The following ADGRG4 variants were observed in gnomAD, a reference collection of about 807,000 sequenced individuals.
ADGRG4 encodes the protein G protein-coupled receptor 112.
ADGRG4 carries 122 observed loss-of-function variants against 126.2 expected under a neutral mutation model. The observed-to-expected ratio is 0.97, with a 90% CI of 0.83 to 1.12. The LOEUF (loss-of-function observed/expected upper bound fraction) is 1.12. ADGRG4 is among the 50% of genes most tolerant of loss of function. The pLI is 0.00. For synonymous variants in ADGRG4, 943 were observed against 838.7 expected, an observed-to-expected ratio of 1.12 and a Z score of -2.15; for missense variants, 2,481 against 2,251.8, an observed-to-expected ratio of 1.10 and a Z score of -2.06.
intron 8 of ADGRG4, among the ~76,000 whole-genome samples, chrX:136,354,126 A>G (rs907412428): frequency 1.8e-5 from 2 of 112,411 alleles, no homozygotes; most frequent in Admixed American, 9.4e-5. Flanking sequence ...ATATCCAAGT[A>G]TTAATTATTA....
rs770343704 is a variant in ADGRG4, at chrX:136,331,791, G to A, written c.685+8399G>A. On this transcript the variant is annotated intron_variant, in intron 5 of 25. Coordinates refer to ENST00000394143, the MANE Select transcript of ADGRG4 (RefSeq NM_153834.4). ...GGTTGTTTGTTCATTTTATTGTTGA[G>A]TTTTGAAAGTAAAAAAATATATTCT... 8.3e-5 allele frequency among the ~76,000 whole-genome samples: 9 copies of A among 108,051 alleles called. No individual in the cohort carries two copies. The East Asian group carries it at 2.3e-3, about 28-fold the overall frequency. 93.8% of individuals were successfully genotyped at this position (108,051 alleles called of 115,157 possible).
In ADGRG4 at chrX:136,414,314, A is replaced by G. The variant is rs1460103964; in HGVS notation, c.9192A>G (p.Ile3064Met). The part of the protein sequence containing the change: ...LGSAQGTPSE[I>M]SFPNDDFDKD... ...CTGCACAAGGCACACCTTCAGAAAT[A>G]AGCTTTCCAAATGGTAAGAAAAAAA... Residue 3064 changes from isoleucine to methionine, a missense_variant, in exon 25 of 26, where the codon ATA (isoleucine) becomes ATG (methionine). Coordinates refer to ENST00000394143, the MANE Select transcript of ADGRG4 (RefSeq NM_153834.4). 10 of 1,194,489 alleles carry G rather than the reference A, an allele frequency of 8.4e-6. No homozygotes were observed. The highest frequency in any genetic ancestry group is 1.1e-5 in the Non-Finnish European group (10 of 887,578).
At chrX:136,342,915 T>TGAGA (rs1394673360) in intron 5 of ADGRG4, among the ~76,000 whole-genome samples, 7 of 80,817 alleles carry the variant, frequency 8.7e-5, no homozygotes, top group African/African-American at 2.2e-4. Flanking sequence ...TGTGTGTGTG[T>TGAGA]GTGTGTGAGA....
At chrX:136,334,253 T>C (rs1308488136) in intron 5 of ADGRG4, among the ~76,000 whole-genome samples, 1 of 111,118 alleles carries the variant, frequency 9.0e-6, no homozygotes. Context: ...AAAAATCAGT[T>C]GAGCAAATTT....
rs200771228 is a variant in ADGRG4, at chrX:136,403,235, C to G, written c.8576-9C>G. The G allele has an allele frequency of 3.4e-4, 410 of 1,204,279 alleles. 4 individuals carry two copies. In the East Asian group the frequency reaches 0.012, roughly 35 times the overall value. ...GATGAAATGCCTTTGACTTGCTTTC[C>G]CACTGCAGGAATCCCGGCTATCATG... On this transcript the variant is annotated splice_polypyrimidine_tract_variant and intron_variant, in intron 21 of 25. Transcript: ENST00000394143.
At chrX:136,414,435 A>T in intron 25 of ADGRG4, 108 bp downstream of exon 25, 1 of 629,202 alleles carries the variant, frequency 1.6e-6, no homozygotes, top group East Asian at 3.3e-5. Flanking sequence ...AACTAAATGC[A>T]CATGTGCATG....
chrX:136,355,524 G>A (rs1333516150), intron 8 of ADGRG4, among the ~76,000 whole-genome samples: 1 of 111,105 alleles, frequency 9.0e-6, no homozygotes. Flanking sequence ...AAATCTTAGA[G>A]CTTTACAGAA....
chrX:136,413,053 TTTTA>T (rs2075454589), intron 24 of ADGRG4, among the ~76,000 whole-genome samples: 1 of 51,711 alleles, frequency 1.9e-5, no homozygotes, highest in Non-Finnish European at 3.2e-5. Flanking sequence ...CCCCACTTTA[TTTTA>T]TTTTTTTTCT....
chrX:136,318,282 A>G (rs2074817729), intron 4 of ADGRG4, among the ~76,000 whole-genome samples: 1 of 112,061 alleles, frequency 8.9e-6, no homozygotes, highest in South Asian at 3.7e-4. Flanking sequence ...GCCGACAAGA[A>G]AGGACACATA....
intron 5 of ADGRG4, among the ~76,000 whole-genome samples, chrX:136,332,735 T>C: frequency 9.5e-6 from 1 of 105,551 alleles, no homozygotes; most frequent in Non-Finnish European, 2.0e-5. Context: ...GTGGTTTTGA[T>C]TTGCATTTCT....
intron 13 of ADGRG4, among the ~76,000 whole-genome samples, chrX:136,366,684 T>G (rs1248030345): frequency 8.9e-6 from 1 of 112,551 alleles, no homozygotes; most frequent in Non-Finnish European, 1.9e-5. Flanking sequence ...TTTCACATTC[T>G]TTCCAGCATT....
chrX:136,391,178 C>A (rs1229882371), intron 16 of ADGRG4, among the ~76,000 whole-genome samples: 1 of 111,441 alleles, frequency 9.0e-6, no homozygotes, highest in East Asian at 2.8e-4. Flanking sequence ...AAATATGAAG[C>A]CTTGGCATCT....
intron 5 of ADGRG4, among the ~76,000 whole-genome samples, chrX:136,342,879 A>AGTGTGTGTGT (rs58303622): frequency 5.7e-5 from 5 of 87,377 alleles, no homozygotes; most frequent in African/African-American, 2.2e-4. Context: ...AAGAGAGCTC[A>AGTGTGTGTGT]GTGTGTGTGT....
Position 136,348,023 on chromosome X carries a change from G to T in ADGRG4, c.4317G>T (p.Leu1439Phe), listed in dbSNP as rs1450628376. 2.5e-6 allele frequency: 3 copies of T among 1,210,607 alleles called. No individual in the cohort carries two copies. The South Asian group carries it at 5.3e-5, about 21-fold the overall frequency. ...ACATCAATACAACTTTTTCACACTTGCATTCACTTAGGACACAACCTGAGG... is the reference window on the plus strand; with the variant it reads ...ACATCAATACAACTTTTTCACACTTTCATTCACTTAGGACACAACCTGAGG... ...PMDINTTFSHLHSLRTQPEVT... is the reference protein window; with the variant it reads ...PMDINTTFSHFHSLRTQPEVT... The change falls in exon 6 of 26, where the codon TTG becomes TTT. Residue 1439 changes from leucine (L) to phenylalanine (F), a missense_variant. Transcript: ENST00000394143.
intron 1 of ADGRG4, 100 bp from the exon 2 acceptor site, chrX:136,304,033 C>T (rs2074718797): frequency 9.0e-6 from 1 of 111,017 alleles, no homozygotes; most frequent in Non-Finnish European, 1.9e-5. Flanking sequence ...CCGTGATAGC[C>T]TTTTCTGGTG....
chrX:136,380,581 TCCTCCTCC>T (rs2075254679), intron 15 of ADGRG4, among the ~76,000 whole-genome samples: 1 of 74,701 alleles, frequency 1.3e-5, no homozygotes, highest in African/African-American at 5.0e-5. Context: ...TTCTTCTTCC[TCCTCCTCC>T]TCCTCCTCCT....
intron 15 of ADGRG4, among the ~76,000 whole-genome samples, chrX:136,382,093 G>A (rs1356903817): frequency 9.0e-6 from 1 of 111,042 alleles, no homozygotes; most frequent in Non-Finnish European, 1.9e-5. Context: ...TTGACACTCA[G>A]TATTAACCAT....
intron 16 of ADGRG4, among the ~76,000 whole-genome samples, chrX:136,391,817 C>A (rs1347892415): frequency 8.9e-6 from 1 of 112,660 alleles, no homozygotes; most frequent in Admixed American, 9.4e-5. Flanking sequence ...TTATAACTTA[C>A]AAATGATAGA....
intron 24 of ADGRG4, among the ~76,000 whole-genome samples, chrX:136,412,807 T>C (rs2075453315): frequency 1.8e-5 from 2 of 112,233 alleles, no homozygotes; most frequent in African/African-American, 6.5e-5. Flanking sequence ...TGTACAGGTG[T>C]ACTGATGGCC....
Sources: allele counts gnomAD v4.1 joint callset (sites outside exome capture counted in the v4.1 genomes callset), GRCh38; gene constraint gnomAD v4.1.1; transcripts MANE v1.5; gene names NCBI Gene and HGNC (gene_info 2026-07-23, HGNC 2026-07-21).